The following NOTCH3 variants were observed in gnomAD, a reference collection of about 807,000 sequenced individuals.
The protein encoded by NOTCH3 is notch receptor 3.
NOTCH3 carries 86 observed loss-of-function variants against 213.3 expected under a neutral mutation model. The observed-to-expected ratio is 0.40, with a 90% CI of 0.34 to 0.48. The LOEUF (loss-of-function observed/expected upper bound fraction) is 0.48, where lower values mean the gene tolerates loss of function less well. Ranked by LOEUF, NOTCH3 falls within the 20% of genes least tolerant of loss-of-function variation. NOTCH3 has a pLI of 0.57. For missense variants in NOTCH3, 2,783 were observed against 3,272.6 expected, an observed-to-expected ratio of 0.85 and a Z score of 3.65; for synonymous variants, 1,354 against 1,355.9, an observed-to-expected ratio of 1.00 and a Z score of 0.03.
At chr19:15,170,281 G>T (rs759751224) in intron 27 of NOTCH3, 50 bp downstream of exon 27, 6 of 1,569,872 alleles carry the variant, frequency 3.8e-6, no homozygotes, top group Non-Finnish European at 5.3e-6. Context: ...CGGGGTCCAG[G>T]GTTCACAAGG....
intron 24 of NOTCH3, 96 bp from the exon 25 acceptor site, chr19:15,174,496 G>T: frequency 2.2e-6 from 2 of 907,412 alleles, no homozygotes; most frequent in African/African-American, 1.7e-5. Context: ...AGAGACTCCA[G>T]ACAAGGCTTG....
chr19:15,184,399 C>A lies in NOTCH3; in HGVS notation c.2462G>T (p.Gly821Val). 2 of 1,613,902 alleles carry A rather than the reference C, an allele frequency of 1.2e-6. No homozygotes were observed. Among genetic ancestry groups the A allele is most frequent in the Non-Finnish European group, 1.7e-6 (2 of 1,179,930 alleles). Residue 821 changes from glycine to valine, a missense_variant, in exon 16 of 33, where the codon GGC (glycine) becomes GTC (valine). Physicochemically the swap from Gly to Val is moderately radical, Grantham distance 109. Around this residue, in one of 6 missense-constraint regions of NOTCH3, gnomAD observed 861 missense variants for 909.1 expected, o/e 0.95. Transcript: ENST00000263388. ...VDECAGPAPC[G>V]PHGICTNLAG... ...CAGGTTGGTGCAGATACCATGAGGG[C>A]CACAGGGTGCGGGGCCAGCACACTC...
chr19:15,185,159 A>C lies in NOTCH3; in HGVS notation c.2296+98T>G. 6.6e-7 allele frequency: 1 copy of C among 1,521,488 alleles called. No individual in the cohort carries two copies. The highest frequency in any genetic ancestry group is 9.1e-7 in the Non-Finnish European group (1 of 1,103,924). The allele number at this position is 1,521,488 out of a possible 1,614,324, so 94.2% of individuals were successfully genotyped here. On this transcript the variant is annotated intron_variant, in intron 14 of 32. Transcript: ENST00000263388. This position sits in a 1 kb window ranked among gnomAD's most constrained non-coding sequence, Gnocchi z 4.2. ...CCTGGAGGGAAATGATTGAAAGCAA[A>C]AAAGAAGCTAACATAGCGGGAGGAG...
chr19:15,185,420 A>G lies in NOTCH3; in HGVS notation c.2145-12T>C. On this transcript the variant is annotated splice_polypyrimidine_tract_variant and intron_variant, in intron 13 of 32. Transcript: ENST00000263388. The surrounding 1 kb of genome is among the most constrained non-coding windows in gnomAD (Gnocchi z 4.2). ...ACACACAGCGGAACCTGGCAGGGGA[A>G]GGTAGTCAGGCCAGGGAGGTGGGCC... 2 of 1,611,874 alleles carry G rather than the reference A, an allele frequency of 1.2e-6. No homozygotes were observed. The highest frequency in any genetic ancestry group is 1.7e-6 in the Non-Finnish European group (2 of 1,179,150).
chr19:15,200,805 G>T lies in NOTCH3; in HGVS notation c.101C>A (p.Ala34Glu). The change falls in exon 1 of 33, where the codon GCG becomes GAG. Residue 34 changes from alanine (A) to glutamate (E), a missense_variant. Ala to Glu is a moderately radical substitution (Grantham distance 107). This residue lies in a region of NOTCH3 where 708 missense variants were observed against 906.6 expected (regional missense o/e 0.78). Coordinates refer to ENST00000263388, the MANE Select transcript of NOTCH3 (RefSeq NM_000435.3). ...CCCCTCACCTGCAGCCCCCGGCCCC[G>T]CTAGCAGCAGCAGCAGGGGCAGCGC... is the stretch of plus-strand genomic sequence containing the variant. ...VRALPLLLLL[A>E]GPGAAAPPCL... 1.6e-6 allele frequency: 2 copies of T among 1,266,110 alleles called. No homozygotes were observed. Among genetic ancestry groups the T allele is most frequent in the Non-Finnish European group, 2.0e-6 (2 of 998,950 alleles). The allele number at this position is 1,266,110 out of a possible 1,614,324, so 78.4% of individuals were successfully genotyped here.
chr19:15,189,012 T>A lies in NOTCH3; in HGVS notation c.1355A>T (p.Gln452Leu). ...ACCTGCCATACAGATACAGGTGAACTGGCCTATGCGGTCGAGGCACGTGGC... is the reference window on the plus strand; with the variant it reads ...ACCTGCCATACAGATACAGGTGAACAGGCCTATGCGGTCGAGGCACGTGGC... ...NQATCLDRIG[Q>L]FTCICMAGFT... The change falls in exon 8 of 33, where the codon CAG becomes CTG. Residue 452 changes from glutamine (Q) to leucine (L), a missense_variant. This residue lies in a region of NOTCH3 where 708 missense variants were observed against 906.6 expected (regional missense o/e 0.78). Coordinates refer to ENST00000263388, the MANE Select transcript of NOTCH3 (RefSeq NM_000435.3). 5.0e-6 allele frequency: 8 copies of A among 1,611,776 alleles called. No homozygotes were observed. The highest frequency in any genetic ancestry group is 6.8e-6 in the Non-Finnish European group (8 of 1,179,406).
Position 15,159,939 on chromosome 19 carries a change from G to A in NOTCH3, c.*723C>T. 3.0e-5 allele frequency: 7 copies of A among 233,888 alleles called. No individual in the cohort carries two copies. The highest frequency in any genetic ancestry group is 4.2e-5 in the Non-Finnish European group (5 of 118,172). The allele number at this position is 233,888 out of a possible 1,614,324, so 14.5% of individuals were successfully genotyped here. A position where few individuals can be genotyped will look rare whatever the true frequency, so the allele number is the denominator to read the frequency against. On this transcript the variant is annotated 3_prime_UTR_variant, in exon 33 of 33. Coordinates refer to ENST00000263388, the MANE Select transcript of NOTCH3 (RefSeq NM_000435.3). The stretch of plus-strand genomic sequence containing the variant: ...AAGGGAGATGGCCAAGGGTGGGGCT[G>A]GGGCAGAGGGAGTTGGCAGTGGGCC...
At chr19:15,173,045 C>CCTCCTCCTCCTCCTCCT (rs375420994) in intron 25 of NOTCH3, among the ~76,000 whole-genome samples, 1 of 25,746 alleles carries the variant, frequency 3.9e-5, no homozygotes, top group Admixed American at 3.4e-4. Context: ...CCCTCCCCCT[C>CCTCCTCCTCCTCCTCCT]CCTCCTCCCT....
At chr19:15,193,056 C>T (rs1292254493) in intron 2 of NOTCH3, among the ~76,000 whole-genome samples, 1 of 152,152 alleles carries the variant, frequency 6.6e-6, no homozygotes, top group Non-Finnish European at 1.5e-5. Flanking sequence ...CAGCCAGGTC[C>T]AGGCAAGGAG....
rs1568359179 is a variant in NOTCH3 at position 15,186,905 on chromosome 19, C to T, written c.1924G>A (p.Asp642Asn). 1.9e-6 allele frequency: 3 copies of T among 1,614,076 alleles called. No individual in the cohort carries two copies. Among genetic ancestry groups the T allele is most frequent in the South Asian group, 1.1e-5 (1 of 91,082 alleles). The change falls in exon 12 of 33, where the codon GAC becomes AAC. Residue 642 changes from aspartate to asparagine, a missense_variant. Asp to Asn is a conservative substitution (Grantham distance 23). Around this residue, in one of 6 missense-constraint regions of NOTCH3, gnomAD observed 708 missense variants for 906.6 expected, o/e 0.78. Transcript: ENST00000263388. ...GVCRDGINRY[D>N]CVCQPGFTGP... ...GTGAAGCCAGGTTGGCAGACACAGT[C>T]GTAGCGGTTGATGCCATCACGGCAG... is the stretch of plus-strand genomic sequence containing the variant.
At position 15,179,011 on chromosome 19, in the gene NOTCH3, T is replaced by C. The variant is rs773576101; in HGVS notation, c.3718+14A>G. The C allele has an allele frequency of 6.2e-7, 1 of 1,614,162 alleles. No individual in the cohort carries two copies. Among genetic ancestry groups the C allele is most frequent in the South Asian group, 1.1e-5 (1 of 91,088 alleles). On this transcript the variant is annotated intron_variant, in intron 22 of 32. Coordinates refer to ENST00000263388, the MANE Select transcript of NOTCH3 (RefSeq NM_000435.3). Reference sequence around the variant, plus strand: ...CAGGCGGGGTCCCAGGCCAGCCCCTTCGCCAACGCTTACCTGAGAAGCCAG... The same window carrying C: ...CAGGCGGGGTCCCAGGCCAGCCCCTCCGCCAACGCTTACCTGAGAAGCCAG...
At position 15,185,292 on chromosome 19, in the gene NOTCH3, A is replaced by C. The variant is rs765661459; in HGVS notation, c.2261T>G (p.Met754Arg). 6.2e-7 allele frequency: 1 copy of C among 1,612,128 alleles called. No individual in the cohort carries two copies. The highest frequency in any genetic ancestry group is 1.1e-5 in the South Asian group (1 of 91,018). Residue 754 changes from methionine (M) to arginine (R), a missense_variant, in exon 14 of 33, where the codon ATG (methionine) becomes AGG (arginine). Transcript: ENST00000263388. This position sits in a 1 kb window ranked among gnomAD's most constrained non-coding sequence, Gnocchi z 4.2. ...AGGCGGGCAGGTGCAGTGGAAACCC[A>C]TTCCATCGCTGCTGCATGTCCCACC... is the stretch of plus-strand genomic sequence containing the variant. ...RAGGTCSSDG[M>R]GFHCTCPPGV...
Position 15,189,446 on chromosome 19 carries a change from GA to G in NOTCH3, c.1037-19del, listed in dbSNP as rs751607564. 87 of 1,613,374 alleles carry G rather than the reference GA, an allele frequency of 5.4e-5. No individual in the cohort carries two copies. The East Asian group carries it at 1.9e-3, about 35-fold the overall frequency. ...CAGGAGGCCTGGGAAGTGGTAAGCA[GA>G]AGTCATAGGCAGATCTTCCTGCTCT... is the stretch of plus-strand genomic sequence containing the variant. On this transcript the variant is annotated intron_variant, in intron 6 of 32. Transcript: ENST00000263388.
chr19:15,181,636 G>C lies in NOTCH3; in HGVS notation c.2732C>G (p.Thr911Ser). The change falls in exon 17 of 33, where the codon ACC becomes AGC. Residue 911 changes from threonine (T) to serine (S), a missense_variant. Around this residue, in one of 6 missense-constraint regions of NOTCH3, gnomAD observed 861 missense variants for 909.1 expected, o/e 0.95. Coordinates refer to ENST00000263388, the MANE Select transcript of NOTCH3 (RefSeq NM_000435.3). ...GAAGCCTCCGTAGCCTGGCGGGCAGGTGCAGGTGAAGGAGGCCACGTGGTC... is the reference window on the plus strand; with the variant it reads ...GAAGCCTCCGTAGCCTGGCGGGCAGCTGCAGGTGAAGGAGGCCACGTGGTC... ...CTDHVASFTCTCPPGYGGFHC... is the reference protein window; with the variant it reads ...CTDHVASFTCSCPPGYGGFHC... 1 of 1,551,660 alleles carries C rather than the reference G, an allele frequency of 6.4e-7. No homozygotes were observed. The highest frequency in any genetic ancestry group is 8.7e-7 in the Non-Finnish European group (1 of 1,147,346).
chr19:15,173,784 GAGA>G (rs1245899990), intron 25 of NOTCH3, among the ~76,000 whole-genome samples: 2 of 146,548 alleles, frequency 1.4e-5, no homozygotes, highest in Admixed American at 6.8e-5. Context: ...GAAGGAGAAG[GAGA>G]AGAAGAAGAA....
In NOTCH3 at chr19:15,161,034, T is replaced by G; in HGVS notation, c.6594A>C (p.Pro2198=). 6.5e-7 allele frequency: 1 copy of G among 1,536,346 alleles called. No individual in the cohort carries two copies. Among genetic ancestry groups the G allele is most frequent in the Non-Finnish European group, 8.7e-7 (1 of 1,143,174 alleles). The stretch of plus-strand genomic sequence containing the variant: ...GCTCCTGCGGGGAGACGGGGGTCCC[T>G]GGGTTGAGCAGCTGGGGTCCCGGCG... ...PLAPGPQLLN[P]GTPVSPQERP... The change falls in exon 33 of 33, where the codon CCA becomes CCC. Residue 2198 remains proline (P), a synonymous_variant. Coordinates refer to ENST00000263388, the MANE Select transcript of NOTCH3 (RefSeq NM_000435.3).
intron 29 of NOTCH3, among the ~76,000 whole-genome samples, chr19:15,167,005 G>A (rs921839669): frequency 1.3e-5 from 2 of 152,238 alleles, no homozygotes; most frequent in African/African-American, 4.8e-5. Flanking sequence ...GTAGAGAGGG[G>A]AAAACTGAGT....
chr19:15,168,668 T>C (rs1033571523), intron 28 of NOTCH3, among the ~76,000 whole-genome samples: 51 of 151,952 alleles, frequency 3.4e-4, no homozygotes, highest in African/African-American at 1.2e-3. Context: ...ACCCCATCTC[T>C]ACTAAAAATA....
rs1435305678 is a variant in NOTCH3, at chr19:15,189,348, C to T, written c.1117G>A (p.Gly373Ser). The T allele has an allele frequency of 1.9e-6, 3 of 1,613,876 alleles. No homozygotes were observed. Among genetic ancestry groups the T allele is most frequent in the East Asian group, 4.5e-5 (2 of 44,900 alleles). Reference protein sequence around the residue: ...DAICDTNPVNGRAICTCPPGF... With the variant: ...DAICDTNPVNSRAICTCPPGF... Reference sequence around the variant, plus strand: ...GGAGGACAGGTGCAAATGGCCCGGCCGTTCACCGGATTTGTGTCACAGATA... The same window carrying T: ...GGAGGACAGGTGCAAATGGCCCGGCTGTTCACCGGATTTGTGTCACAGATA... The change falls in exon 7 of 33, where the codon GGC (glycine) becomes AGC (serine). Residue 373 changes from glycine to serine, a missense_variant. Physicochemically the swap from Gly to Ser is moderately conservative, Grantham distance 56. Around this residue, in one of 6 missense-constraint regions of NOTCH3, gnomAD observed 708 missense variants for 906.6 expected, o/e 0.78. Transcript: ENST00000263388.
Sources: gnomAD v4.1 joint callset for allele counts (sites outside exome capture counted in the v4.1 genomes callset) on GRCh38, gnomAD v4.1.1 for gene constraint, gnomAD v4.1.1 regional missense constraint, Gnocchi (gnomAD v3.1) non-coding constraint, MANE v1.5 for transcripts, NCBI Gene and HGNC (gene_info 2026-07-23, HGNC 2026-07-21) for gene names.